Variants in PLGRKT observed in about 807,000 individuals in gnomAD.
PLGRKT encodes the protein plasminogen receptor with a C-terminal lysine.
PLGRKT carries 22 observed loss-of-function variants against 18.5 expected under a neutral mutation model. The ratio of observed to expected loss-of-function variants is 1.19; its 90% CI spans 0.85 to 1.70. PLGRKT has a LOEUF of 1.70. PLGRKT is among the 40% of genes most tolerant of loss of function. The probability of loss-of-function intolerance (pLI) is 0.00; values close to 1 mark genes in which losing one functional copy is unlikely to be tolerated. For missense variants in PLGRKT, 235 were observed against 174.4 expected (o/e 1.35, Z -1.96); for synonymous variants, 72 against 52.8 (o/e 1.36, Z -1.58).
Position 5,372,454 on chromosome 9 carries a change from T to C in PLGRKT, c.82-10566A>G, listed in dbSNP as rs890735573. Among the ~76,000 whole-genome samples, 4 of 152,138 alleles carry C rather than the reference T, an allele frequency of 2.6e-5. No individual in the cohort carries two copies. The East Asian group carries it at 5.8e-4, about 22-fold the overall frequency. Reference sequence around the variant, plus strand: ...AAACAGTAGTTTGAACAGAACAAGATTGATTTCAGGGTATCTGGCAATTAC... The same window carrying C: ...AAACAGTAGTTTGAACAGAACAAGACTGATTTCAGGGTATCTGGCAATTAC... On this transcript the variant is annotated intron_variant, in intron 3 of 5. Transcript: ENST00000223864.
chr9:5,379,097 G>C (rs1160640458), intron 3 of PLGRKT, among the ~76,000 whole-genome samples: 2 of 151,784 alleles, frequency 1.3e-5, no homozygotes, highest in African/African-American at 4.8e-5. Flanking sequence ...CAAACTATTA[G>C]AATCAACAAG....
intron 3 of PLGRKT, among the ~76,000 whole-genome samples, chr9:5,416,217 A>G (rs138608429): frequency 6.6e-6 from 1 of 152,210 alleles, no homozygotes; most frequent in Non-Finnish European, 1.5e-5. Flanking sequence ...TTTCCTTAAT[A>G]CTCAACATTA....
chr9:5,384,802 C>T (rs1817810919), intron 3 of PLGRKT, among the ~76,000 whole-genome samples: 1 of 152,056 alleles, frequency 6.6e-6, no homozygotes, highest in African/African-American at 2.4e-5. Flanking sequence ...AAAAGATGCA[C>T]AAGAACCCAG....
chr9:5,381,080 G>C (rs1817735587), intron 3 of PLGRKT, among the ~76,000 whole-genome samples: 1 of 152,162 alleles, frequency 6.6e-6, no homozygotes, highest in Non-Finnish European at 1.5e-5. Flanking sequence ...GGCCTCCCCA[G>C]CCATGCAGAA....
intron 3 of PLGRKT, among the ~76,000 whole-genome samples, chr9:5,407,313 T>A (rs375530891): frequency 2.0e-5 from 3 of 152,242 alleles, no homozygotes; most frequent in South Asian, 2.1e-4. Context: ...AACCTACCCA[T>A]GAACTTAAAC....
chr9:5,387,605 A>C (rs1307823914), intron 3 of PLGRKT, among the ~76,000 whole-genome samples: 1 of 151,866 alleles, frequency 6.6e-6, no homozygotes, highest in Non-Finnish European at 1.5e-5. Context: ...AAATTAATTT[A>C]TGGGGATAGA....
intron 3 of PLGRKT, among the ~76,000 whole-genome samples, chr9:5,375,127 T>C (rs1817602844): frequency 6.6e-6 from 1 of 152,228 alleles, no homozygotes; most frequent in Admixed American, 6.5e-5. Context: ...TAAAATTCTA[T>C]ACTATAAAAC....
chr9:5,363,982 C>T (rs1181089684), intron 3 of PLGRKT, among the ~76,000 whole-genome samples: 1 of 152,200 alleles, frequency 6.6e-6, no homozygotes, highest in African/African-American at 2.4e-5. Context: ...ACAAAACTTA[C>T]ATACTGATTC....
chr9:5,369,317 C>T (rs1817465433), intron 3 of PLGRKT, among the ~76,000 whole-genome samples: 3 of 152,166 alleles, frequency 2.0e-5, no homozygotes, highest in Non-Finnish European at 2.9e-5. Context: ...GACATTTATG[C>T]AGCCAACAAA....
In PLGRKT at chr9:5,418,764, G is replaced by T. The variant is rs1818514620; in HGVS notation, c.81+13133C>A. The T allele has an allele frequency of 4.1e-6, 3 of 723,534 alleles. No individual in the cohort carries two copies. The highest frequency in any genetic ancestry group is 2.1e-5 in the Admixed American group (1 of 47,714). 44.8% of individuals were successfully genotyped at this position (723,534 alleles called of 1,614,324 possible). Reference sequence around the variant, plus strand: ...TGGTGATGACAGCCAGGACCTCGGGGTCGTCGAGGAGCTGCGACACGGAGA... The same window carrying T: ...TGGTGATGACAGCCAGGACCTCGGGTTCGTCGAGGAGCTGCGACACGGAGA... On this transcript the variant is annotated intron_variant, in intron 3 of 5. Coordinates refer to ENST00000223864, the MANE Select transcript of PLGRKT (RefSeq NM_018465.4). This position sits in a 1 kb window ranked among gnomAD's most constrained non-coding sequence, Gnocchi z 4.2.
chr9:5,361,112 G>C lies in PLGRKT; in HGVS notation c.288C>G (p.Asp96Glu). ...TTTCTAAAAGGGTTCCATAGCCCAA[G>C]TCATACTGGTAGGTGAGGATAAAGC... ...PLSFILTYQY[D>E]LGYGTLLERM... Residue 96 changes from aspartate to glutamate, a missense_variant, in exon 5 of 6, where the codon GAC becomes GAG. Coordinates refer to ENST00000223864, the MANE Select transcript of PLGRKT (RefSeq NM_018465.4). 2 of 1,604,908 alleles carry C rather than the reference G, an allele frequency of 1.2e-6. No individual in the cohort carries two copies. The highest frequency in any genetic ancestry group is 1.1e-5 in the South Asian group (1 of 90,730).
At chr9:5,379,266 G>A (rs1293523019) in intron 3 of PLGRKT, among the ~76,000 whole-genome samples, 1 of 152,086 alleles carries the variant, frequency 6.6e-6, no homozygotes, top group Non-Finnish European at 1.5e-5. Context: ...TTACTTTAGT[G>A]AACTTTACAA....
At chr9:5,387,620 T>C (rs1031594233) in intron 3 of PLGRKT, among the ~76,000 whole-genome samples, 2 of 151,720 alleles carry the variant, frequency 1.3e-5, no homozygotes, top group Non-Finnish European at 2.9e-5. Context: ...GATAGAAGTC[T>C]AGAGAGTGGT....
intron 3 of PLGRKT, among the ~76,000 whole-genome samples, chr9:5,399,714 C>G (rs1418457725): frequency 6.6e-6 from 1 of 151,736 alleles, no homozygotes; most frequent in Non-Finnish European, 1.5e-5. Flanking sequence ...GCAGGCCAGG[C>G]ACGGTGGCTC....
chr9:5,429,801 C>A (rs1264619887), intron 3 of PLGRKT, among the ~76,000 whole-genome samples: 1 of 152,220 alleles, frequency 6.6e-6, no homozygotes, highest in Admixed American at 6.5e-5. Flanking sequence ...CAACCCATAA[C>A]ACACCCCTTT....
chr9:5,434,315 G>GGT (rs1818911175), intron 2 of PLGRKT, among the ~76,000 whole-genome samples: 1 of 132,760 alleles, frequency 7.5e-6, no homozygotes, highest in Non-Finnish European at 1.6e-5. Flanking sequence ...CTGGGAAGTG[G>GGT]GCGCCTCTGC....
At chr9:5,421,473 T>C (rs1818574273) in intron 3 of PLGRKT, among the ~76,000 whole-genome samples, 1 of 152,248 alleles carries the variant, frequency 6.6e-6, no homozygotes, top group Non-Finnish European at 1.5e-5. Context: ...TTGCATGTGT[T>C]CCCACTGGAG....
intron 3 of PLGRKT, among the ~76,000 whole-genome samples, chr9:5,404,329 A>G (rs1380730369): frequency 6.6e-6 from 1 of 152,226 alleles, no homozygotes; most frequent in Non-Finnish European, 1.5e-5. Context: ...CAAAAAAAAG[A>G]AAACTTCAGG....
At chr9:5,412,358 T>A (rs1415201286) in intron 3 of PLGRKT, among the ~76,000 whole-genome samples, 1 of 152,244 alleles carries the variant, frequency 6.6e-6, no homozygotes, top group Non-Finnish European at 1.5e-5. Context: ...TGCTATGGTT[T>A]GAATGTGTCC....
Sources: allele counts gnomAD v4.1 joint callset (sites outside exome capture counted in the v4.1 genomes callset), GRCh38; gene constraint gnomAD v4.1.1; non-coding constraint Gnocchi (gnomAD v3.1); transcripts MANE v1.5; gene names NCBI Gene and HGNC (gene_info 2026-07-23, HGNC 2026-07-21).